PRKG1: variants seen among roughly 807,000 people sequenced by gnomAD.
PRKG1 encodes protein kinase cGMP-dependent 1, also known as cGMP-dependent protein kinase 1.
In PRKG1, 35 loss-of-function variants were observed where a neutral mutation model predicts 88.1. The observed-to-expected ratio is 0.40, with a 90% confidence interval of 0.30 to 0.53. The LOEUF is 0.53. PRKG1 is among the 20% of genes least tolerant of loss of function. The pLI, the probability that PRKG1 is intolerant of heterozygous loss-of-function variation, is 0.59. For missense variants in PRKG1, 540 were observed against 839.8 expected (o/e 0.64, Z 4.41); for synonymous variants, 303 against 292.5 (o/e 1.04, Z -0.37).
chr10:52,255,700 C>T (rs998326593), intron 10 of PRKG1, among the ~76,000 whole-genome samples: 1 of 151,926 alleles, frequency 6.6e-6, no homozygotes, highest in African/African-American at 2.4e-5. Flanking sequence ...AAAGCATGAT[C>T]AGCAGGGGTT....
At chr10:51,047,632 A>AG (rs1843507103) in intron 1 of PRKG1, among the ~76,000 whole-genome samples, 1 of 151,880 alleles carries the variant, frequency 6.6e-6, no homozygotes, top group Non-Finnish European at 1.5e-5. Flanking sequence ...AAAAAAAAAA[A>AG]AAAGAGGAGA....
chr10:51,455,123 A>G (rs1313861365), intron 2 of PRKG1, among the ~76,000 whole-genome samples: 1 of 152,210 alleles, frequency 6.6e-6, no homozygotes, highest in Non-Finnish European at 1.5e-5. Context: ...CACCACATGG[A>G]AGCTGCCAAG....
At chr10:51,062,033 T>G (rs1843697588) in intron 1 of PRKG1, among the ~76,000 whole-genome samples, 1 of 152,134 alleles carries the variant, frequency 6.6e-6, no homozygotes, top group Admixed American at 6.5e-5. Context: ...CCAACATAGG[T>G]GTGAAAAATT....
intron 2 of PRKG1, among the ~76,000 whole-genome samples, chr10:51,243,109 G>A (rs1340247077): frequency 6.6e-6 from 1 of 152,098 alleles, no homozygotes; most frequent in African/African-American, 2.4e-5. Context: ...CAGTTAGAAG[G>A]AAGGCTTTTT....
At position 51,219,743 on chromosome 10, in the gene PRKG1, G is replaced by C. The variant is rs1486694073; in HGVS notation, c.478+66413G>C. On this transcript the variant is annotated intron_variant, in intron 2 of 17. Transcript: ENST00000373980. ...AATAATAATAAAATTTAAAAAAAAGGCAAGAAGGAGCATCTGTTTAAATTT... is the reference window on the plus strand; with the variant it reads ...AATAATAATAAAATTTAAAAAAAAGCCAAGAAGGAGCATCTGTTTAAATTT... Among the ~76,000 whole-genome samples the C allele has an allele frequency of 2.6e-5, 4 of 151,884 alleles. No individual in the cohort carries two copies. In the East Asian group the frequency reaches 7.7e-4, roughly 29 times the overall value.
intron 2 of PRKG1, among the ~76,000 whole-genome samples, chr10:51,255,149 ATACAGAATT>A (rs1839523910): frequency 6.6e-6 from 1 of 152,136 alleles, no homozygotes; most frequent in African/African-American, 2.4e-5. Flanking sequence ...TTATATAAAC[ATACAGAATT>A]TTAAGAATAT....
At chr10:51,020,389 A>G (rs1294578423) in intron 1 of PRKG1, among the ~76,000 whole-genome samples, 1 of 152,142 alleles carries the variant, frequency 6.6e-6, no homozygotes, top group Non-Finnish European at 1.5e-5. Flanking sequence ...ACATGTCAAC[A>G]CGTCTCCGTT....
Position 51,616,540 on chromosome 10 carries a change from C to T in PRKG1, c.592+148704C>T, listed in dbSNP as rs924727082. On this transcript the variant is annotated intron_variant, in intron 3 of 17. Transcript: ENST00000373980. ...GCAGCAGGGTGGGTAGGCTCAATCT[C>T]AAGCCCCAAAGATAAGTGCTCAGGT... Among the ~76,000 whole-genome samples, 8 of 152,250 alleles carry T rather than the reference C, an allele frequency of 5.3e-5. No homozygotes were observed. In the South Asian group the frequency reaches 6.2e-4, roughly 12 times the overall value.
intron 10 of PRKG1, among the ~76,000 whole-genome samples, chr10:52,266,576 T>C (rs1294239449): frequency 6.6e-6 from 1 of 152,004 alleles, no homozygotes; most frequent in Non-Finnish European, 1.5e-5. Flanking sequence ...GCATCCACAA[T>C]ATTATAGAAG....
At chr10:51,351,443 G>C (rs769625510) in intron 2 of PRKG1, among the ~76,000 whole-genome samples, 1 of 151,876 alleles carries the variant, frequency 6.6e-6, no homozygotes, top group Non-Finnish European at 1.5e-5. Flanking sequence ...TTTAATGATC[G>C]CCATTCTAAC....
At chr10:51,337,471 G>A (rs1302096416) in intron 2 of PRKG1, among the ~76,000 whole-genome samples, 1 of 152,036 alleles carries the variant, frequency 6.6e-6, no homozygotes, top group East Asian at 1.9e-4. Context: ...ATTATGAACA[G>A]GCAACCTACA....
chr10:51,127,217 A>G (rs1302614878), intron 1 of PRKG1, among the ~76,000 whole-genome samples: 6 of 152,170 alleles, frequency 3.9e-5, no homozygotes, highest in Admixed American at 6.6e-5. Context: ...TATCCATCCA[A>G]CAAAGGTCTA....
At chr10:52,271,132 A>T (rs1237540392) in intron 10 of PRKG1, among the ~76,000 whole-genome samples, 1 of 152,098 alleles carries the variant, frequency 6.6e-6, no homozygotes, top group African/African-American at 2.4e-5. Flanking sequence ...TTAATTTGGA[A>T]TCAAGTTAGT....
At chr10:51,114,524 A>G (rs939992625) in intron 1 of PRKG1, among the ~76,000 whole-genome samples, 2 of 152,040 alleles carry the variant, frequency 1.3e-5, no homozygotes, top group Non-Finnish European at 2.9e-5. Context: ...GGGGAACAAG[A>G]GAAATATAAA....
chr10:51,618,435 T>G (rs902325057), intron 3 of PRKG1, among the ~76,000 whole-genome samples: 2 of 152,202 alleles, frequency 1.3e-5, no homozygotes, highest in African/African-American at 4.8e-5. Flanking sequence ...GAGCCAAGCC[T>G]TCAAGAAAAA....
intron 8 of PRKG1, among the ~76,000 whole-genome samples, chr10:52,140,691 T>C (rs959258623): frequency 6.6e-6 from 1 of 152,130 alleles, no homozygotes; most frequent in African/African-American, 2.4e-5. Context: ...TCTTTCAGAA[T>C]GTCAGGTGCC....
intron 7 of PRKG1, among the ~76,000 whole-genome samples, chr10:52,092,047 G>A (rs1847069941): frequency 6.6e-6 from 1 of 152,182 alleles, no homozygotes; most frequent in Non-Finnish European, 1.5e-5. Flanking sequence ...TAATGAGGCT[G>A]CATTGTGAGC....
chr10:51,930,943 A>G (rs1842681266), intron 5 of PRKG1, among the ~76,000 whole-genome samples: 1 of 152,026 alleles, frequency 6.6e-6, no homozygotes, highest in Admixed American at 6.6e-5. Context: ...AGGTTTCTAG[A>G]CTCTGTAAGA....
intron 1 of PRKG1, among the ~76,000 whole-genome samples, chr10:51,014,446 A>G (rs556123610): frequency 6.6e-6 from 1 of 152,094 alleles, no homozygotes; most frequent in Non-Finnish European, 1.5e-5. Flanking sequence ...AGTGAGGCCA[A>G]TTGTTCCTTA....
Sources: allele counts gnomAD v4.1 joint callset (sites outside exome capture counted in the v4.1 genomes callset), GRCh38; gene constraint gnomAD v4.1.1; transcripts MANE v1.5; gene names NCBI Gene and HGNC (gene_info 2026-07-23, HGNC 2026-07-21).